Variants in CALN1 observed in about 807,000 individuals in gnomAD.
The protein encoded by CALN1 is calcium-binding protein 8.
In CALN1, 17 loss-of-function variants were observed where a neutral mutation model predicts 30.6. The ratio of observed to expected loss-of-function variants is 0.56; its 90% CI spans 0.38 to 0.83. The LOEUF (loss-of-function observed/expected upper bound fraction) is 0.83. Ranked by LOEUF, CALN1 falls within the 40% of genes least tolerant of loss-of-function variation. The pLI is 0.00. For missense variants in CALN1, 291 were observed against 354.9 expected (o/e 0.82, Z 1.45); for synonymous variants, 156 against 131.4 (o/e 1.19, Z -1.28).
At chr7:72,083,459 C>T (rs1487902171) in intron 4 of CALN1, among the ~76,000 whole-genome samples, 2 of 152,080 alleles carry the variant, frequency 1.3e-5, no homozygotes, top group African/African-American at 2.4e-5. Context: ...TGGCATGTGC[C>T]TGTAATCCTA....
intron 5 of CALN1, among the ~76,000 whole-genome samples, chr7:71,864,404 A>G (rs1214661054): frequency 2.0e-5 from 3 of 152,198 alleles, no homozygotes; most frequent in Non-Finnish European, 4.4e-5. Context: ...GCCACACAGC[A>G]AGGATTCATG....
At chr7:71,790,202 C>G (rs150214149) in intron 6 of CALN1, among the ~76,000 whole-genome samples, 1 of 131,562 alleles carries the variant, frequency 7.6e-6, no homozygotes, top group African/African-American at 2.9e-5. Context: ...AAGAGAGAAA[C>G]AAAGAAAGAA....
chr7:72,265,229 TG>T (rs1485540555), intron 3 of CALN1, among the ~76,000 whole-genome samples: 2 of 152,198 alleles, frequency 1.3e-5, no homozygotes, highest in Non-Finnish European at 2.9e-5. Flanking sequence ...ATGACCATGT[TG>T]ATAGAGCAAA....
chr7:72,230,310 A>T (rs1248867222), intron 3 of CALN1, among the ~76,000 whole-genome samples: 1 of 150,014 alleles, frequency 6.7e-6, no homozygotes, highest in African/African-American at 2.5e-5. Context: ...AGCCTGGGCA[A>T]TGTGGCGAAA....
chr7:71,973,837 T>C (rs781407461), intron 5 of CALN1, among the ~76,000 whole-genome samples: 11 of 152,186 alleles, frequency 7.2e-5, no homozygotes, highest in Non-Finnish European at 1.5e-4. Flanking sequence ...CCAGAGACTT[T>C]GGCGTTTTAA....
intron 3 of CALN1, among the ~76,000 whole-genome samples, chr7:72,247,319 G>A (rs1053061528): frequency 1.5e-5 from 2 of 134,526 alleles, no homozygotes; most frequent in African/African-American, 5.8e-5. Flanking sequence ...CGCGACGTTG[G>A]CTCACTGCAA....
chr7:72,153,519 A>AT (rs1787418066), intron 3 of CALN1, among the ~76,000 whole-genome samples: 2 of 115,760 alleles, frequency 1.7e-5, no homozygotes, highest in African/African-American at 2.9e-5. Flanking sequence ...TCTCTACAAA[A>AT]TTAAAAAAAA....
chr7:72,405,586 ACT>A (rs1199686734), intron 1 of CALN1, among the ~76,000 whole-genome samples: 1 of 152,008 alleles, frequency 6.6e-6, no homozygotes, highest in Non-Finnish European at 1.5e-5. Context: ...CATGCCTATG[ACT>A]CATCTATTCA....
chr7:71,818,772 C>A (rs1030471453), intron 5 of CALN1, among the ~76,000 whole-genome samples: 3 of 151,578 alleles, frequency 2.0e-5, no homozygotes, highest in African/African-American at 7.3e-5. Context: ...TGCAGTGGTG[C>A]GGTCTCAGCT....
chr7:72,350,057 A>G (rs948806771), intron 2 of CALN1, among the ~76,000 whole-genome samples: 1 of 152,216 alleles, frequency 6.6e-6, no homozygotes, highest in Non-Finnish European at 1.5e-5. Context: ...GGGTTTTTAT[A>G]GGCCCATAAA....
At chr7:72,168,756 C>T (rs1469326536) in intron 3 of CALN1, among the ~76,000 whole-genome samples, 1 of 151,472 alleles carries the variant, frequency 6.6e-6, no homozygotes, top group Non-Finnish European at 1.5e-5. Flanking sequence ...GTTTTGTGTC[C>T]CCTTTCTGAG....
chr7:72,183,037 CTTTT>C (rs1210894173), intron 3 of CALN1, among the ~76,000 whole-genome samples: 1 of 151,986 alleles, frequency 6.6e-6, no homozygotes, highest in Non-Finnish European at 1.5e-5. Flanking sequence ...CTCTATGGGG[CTTTT>C]TTGTTTGTTT....
chr7:72,455,975 A>C, the CALN1 span, among the ~76,000 whole-genome samples: 1 of 151,810 alleles, frequency 6.6e-6, no homozygotes, highest in Non-Finnish European at 1.5e-5. Context: ...TCACGAGGTC[A>C]AGAGATCGAG....
intron 3 of CALN1, among the ~76,000 whole-genome samples, chr7:72,265,965 C>T (rs1440131602): frequency 2.0e-5 from 3 of 151,914 alleles, no homozygotes; most frequent in Non-Finnish European, 4.4e-5. Flanking sequence ...GAGGCCCTAT[C>T]TCTCCAAAAA....
At position 72,328,065 on chromosome 7, in the gene CALN1, T is replaced by TG. The variant is rs144839146; in HGVS notation, c.120-49256dup. ...TATTGAGAATGAGAGTGAAGAAAGG[T>TG]GCCTTCCAAGTTCTATGTAACATTT... On this transcript the variant is annotated intron_variant, in intron 2 of 6. Coordinates refer to ENST00000395275, the MANE Select transcript of CALN1 (RefSeq NM_031468.4). Among the ~76,000 whole-genome samples the TG allele has an allele frequency of 1.1e-3, 167 of 152,306 alleles. 2 individuals carry two copies. The highest frequency in any genetic ancestry group is 3.7e-3 in the African/African-American group (155 of 41,568).
chr7:71,833,227 T>G (rs1387477962), intron 5 of CALN1, among the ~76,000 whole-genome samples: 2 of 152,168 alleles, frequency 1.3e-5, no homozygotes, highest in Non-Finnish European at 2.9e-5. Context: ...CAACGGTGTG[T>G]GAGAATCGCC....
At chr7:72,410,872 C>T (rs910861949) in intron 1 of CALN1, among the ~76,000 whole-genome samples, 1 of 152,152 alleles carries the variant, frequency 6.6e-6, no homozygotes, top group African/African-American at 2.4e-5. Flanking sequence ...AGGATGTTTA[C>T]TATCTCTGCT....
At chr7:72,064,788 A>C (rs2129537304) in intron 4 of CALN1, among the ~76,000 whole-genome samples, 1 of 152,150 alleles carries the variant, frequency 6.6e-6, no homozygotes, top group South Asian at 2.1e-4. Context: ...AAAAATCCAT[A>C]ATACTTCTGG....
chr7:71,800,976 CT>C (rs1277694742), intron 6 of CALN1, among the ~76,000 whole-genome samples: 6 of 152,042 alleles, frequency 3.9e-5, no homozygotes, highest in Non-Finnish European at 5.9e-5. Flanking sequence ...CCATTGCCCC[CT>C]GACAGGCCCC....
Sources: gnomAD v4.1 joint callset for allele counts (sites outside exome capture counted in the v4.1 genomes callset) on GRCh38, gnomAD v4.1.1 for gene constraint, MANE v1.5 for transcripts, NCBI Gene and HGNC (gene_info 2026-07-23, HGNC 2026-07-21) for gene names.